DCC: variants seen among roughly 807,000 people sequenced by gnomAD.
DCC encodes netrin receptor DCC.
In DCC, 58 loss-of-function variants were observed where a neutral mutation model predicts 172.5. The observed-to-expected ratio is 0.34, with a 90% CI of 0.27 to 0.42. The LOEUF is 0.42. DCC is among the 10% of genes least tolerant of loss of function. The probability of loss-of-function intolerance (pLI) is 1.00; values close to 1 mark genes in which losing one functional copy is unlikely to be tolerated. For synonymous variants in DCC, 709 were observed against 644.5 expected, an observed-to-expected ratio of 1.10 and a Z score of -1.52; for missense variants, 1,740 against 1,791.0, an observed-to-expected ratio of 0.97 and a Z score of 0.51.
At chr18:53,267,795 T>C (rs906453076) in intron 12 of DCC, among the ~76,000 whole-genome samples, 5 of 152,188 alleles carry the variant, frequency 3.3e-5, no homozygotes, top group African/African-American at 1.2e-4. Flanking sequence ...TGAGAAATGG[T>C]CAGTACTTTA....
chr18:53,069,186 AG>A (rs2042618128), intron 7 of DCC, among the ~76,000 whole-genome samples: 1 of 152,202 alleles, frequency 6.6e-6, no homozygotes, highest in Non-Finnish European at 1.5e-5. Context: ...ATTGATAAAC[AG>A]GAAATCTTAG....
At chr18:53,107,090 A>C (rs950427923) in intron 7 of DCC, among the ~76,000 whole-genome samples, 16 of 151,860 alleles carry the variant, frequency 1.1e-4, no homozygotes, top group African/African-American at 3.9e-4. Context: ...AACCATAAAC[A>C]TCCTCTAAGA....
chr18:52,620,135 T>G (rs1409518171), intron 1 of DCC, among the ~76,000 whole-genome samples: 1 of 152,176 alleles, frequency 6.6e-6, no homozygotes, highest in South Asian at 2.1e-4. Context: ...TGGAAAAGCT[T>G]TGGATTTGGA....
At chr18:53,034,626 A>G (rs183276516) in intron 5 of DCC, among the ~76,000 whole-genome samples, 1 of 151,890 alleles carries the variant, frequency 6.6e-6, no homozygotes, top group East Asian at 1.9e-4. Context: ...CTGTTCTTCT[A>G]CATTCTGTCC....
chr18:52,998,816 TTGTGTG>T (rs79283122), intron 5 of DCC, among the ~76,000 whole-genome samples: 1 of 151,234 alleles, frequency 6.6e-6, no homozygotes, highest in African/African-American at 2.4e-5. Flanking sequence ...GTTTTTAGGT[TTGTGTG>T]TGTGTGTGTG....
chr18:52,850,281 A>G (rs1385586151), intron 2 of DCC, among the ~76,000 whole-genome samples: 1 of 152,228 alleles, frequency 6.6e-6, no homozygotes, highest in Admixed American at 6.5e-5. Flanking sequence ...CTGGAAGCAC[A>G]TCGTTTGTGT....
chr18:53,468,165 T>C (rs2045646424), intron 25 of DCC, among the ~76,000 whole-genome samples, 155 bp downstream of exon 25: 1 of 152,152 alleles, frequency 6.6e-6, no homozygotes, highest in Admixed American at 6.6e-5. Context: ...ATTAATAATT[T>C]GAAGTCTAAG....
chr18:53,050,168 C>A (rs1240560883), intron 5 of DCC, among the ~76,000 whole-genome samples: 1 of 152,112 alleles, frequency 6.6e-6, no homozygotes, highest in Non-Finnish European at 1.5e-5. Context: ...CCTGCTTTAT[C>A]TAGCCACGCT....
Position 53,076,518 on chromosome 18 carries a change from T to C in DCC, c.1261+10352T>C, listed in dbSNP as rs149078141. ...ATCAAGTCAGCAGCTGTTGTTGATA[T>C]GTGATAGGATTAGTAGATCCCGTGG... On this transcript the variant is annotated intron_variant, in intron 7 of 28. Transcript: ENST00000442544. Among the ~76,000 whole-genome samples the C allele has an allele frequency of 3.0e-4, 46 of 152,284 alleles. 1 individual carries two copies. Among genetic ancestry groups the C allele is most frequent in the Admixed American group, 2.0e-3 (30 of 15,294 alleles).
intron 12 of DCC, among the ~76,000 whole-genome samples, chr18:53,242,304 T>C (rs560570432): frequency 6.6e-6 from 1 of 152,326 alleles, no homozygotes; most frequent in South Asian, 2.1e-4. Flanking sequence ...TGCTTAATGA[T>C]ATAAGTTTCC....
intron 1 of DCC, among the ~76,000 whole-genome samples, chr18:52,641,876 G>A (rs779666331): frequency 6.6e-6 from 1 of 151,852 alleles, no homozygotes; most frequent in Non-Finnish European, 1.5e-5. Context: ...TATCTACCTA[G>A]AGGAAAAGAA....
intron 10 of DCC, 120 bp from the exon 11 acceptor site, chr18:53,207,559 T>C: frequency 1.0e-6 from 1 of 965,404 alleles, no homozygotes; most frequent in Non-Finnish European, 1.6e-6. Flanking sequence ...TATAGCTCAT[T>C]AGAAGGCTGG....
intron 1 of DCC, among the ~76,000 whole-genome samples, chr18:52,513,675 A>C (rs2144652164): frequency 6.6e-6 from 1 of 152,196 alleles, no homozygotes; most frequent in Middle Eastern, 3.4e-3. Flanking sequence ...TGGCTCTAAA[A>C]CTAGGTCCCT....
intron 1 of DCC, among the ~76,000 whole-genome samples, chr18:52,667,234 G>A (rs2144960983): frequency 6.6e-6 from 1 of 152,274 alleles, no homozygotes; most frequent in Middle Eastern, 3.4e-3. Context: ...TAACTTTGGT[G>A]GAATTAGGAG....
chr18:52,939,907 A>T (rs1270142450), intron 5 of DCC, among the ~76,000 whole-genome samples: 1 of 152,148 alleles, frequency 6.6e-6, no homozygotes, highest in Non-Finnish European at 1.5e-5. Context: ...TCAAACAAAA[A>T]ATAGAACATT....
intron 25 of DCC, among the ~76,000 whole-genome samples, chr18:53,469,587 C>T (rs2045669952): frequency 6.6e-6 from 1 of 152,120 alleles, no homozygotes; most frequent in East Asian, 1.9e-4. Flanking sequence ...CTCTGAGTGT[C>T]TTGTTGAAAT....
At chr18:53,340,746 A>G (rs1488579423) in intron 15 of DCC, among the ~76,000 whole-genome samples, 1 of 152,178 alleles carries the variant, frequency 6.6e-6, no homozygotes, top group Non-Finnish European at 1.5e-5. Context: ...ATTTTCATAA[A>G]GCAAAATGTA....
intron 2 of DCC, among the ~76,000 whole-genome samples, chr18:52,861,148 T>G (rs530745333): frequency 6.6e-6 from 1 of 152,150 alleles, no homozygotes; most frequent in African/African-American, 2.4e-5. Context: ...AACACTTACA[T>G]GAATTGAGTG....
At chr18:52,419,715 G>C (rs1165265787) in intron 1 of DCC, 1 of 152,018 alleles carries the variant, frequency 6.6e-6, no homozygotes, top group Non-Finnish European at 1.5e-5. Context: ...CATGAAGTCT[G>C]CTTTAATGTG....
Sources: allele counts gnomAD v4.1 joint callset (sites outside exome capture counted in the v4.1 genomes callset), GRCh38; gene constraint gnomAD v4.1.1; transcripts MANE v1.5; gene names NCBI Gene and HGNC (gene_info 2026-07-23, HGNC 2026-07-21).